TUSC3: variants seen among roughly 807,000 people sequenced by gnomAD.
The protein encoded by TUSC3 is dolichyl-diphosphooligosaccharide--protein glycosyltransferase subunit TUSC3.
A neutral mutation model predicts 44.8 loss-of-function variants in TUSC3; 45 were observed. The ratio of observed to expected loss-of-function variants is 1.00; its 90% CI spans 0.79 to 1.29. The LOEUF is 1.29. TUSC3 is among the 50% of genes most tolerant of loss of function. TUSC3 has a pLI of 0.00. For missense variants in TUSC3, 519 were observed against 437.9 expected (o/e 1.19, Z -1.65); for synonymous variants, 212 against 152.9 (o/e 1.39, Z -2.85).
intron 1 of TUSC3, among the ~76,000 whole-genome samples, chr8:15,478,479 C>T (rs1360672321): frequency 6.6e-6 from 1 of 152,072 alleles, no homozygotes; most frequent in East Asian, 1.9e-4. Flanking sequence ...TCTGTGTGTT[C>T]ATGTGTTCTC....
intron 10 of TUSC3, among the ~76,000 whole-genome samples, chr8:15,763,780 T>C (rs568340526): frequency 2.0e-5 from 3 of 152,132 alleles, no homozygotes; most frequent in South Asian, 4.1e-4. Context: ...AAATTGTAAA[T>C]TAACAAAAGA....
Position 15,530,088 on chromosome 8 carries a change from A to G in TUSC3, n.189+46605A>G, listed in dbSNP as rs545579288. Among the ~76,000 whole-genome samples, 17 of 151,990 alleles carry G rather than the reference A, an allele frequency of 1.1e-4. 1 individual carries two copies. The highest frequency in any genetic ancestry group is 3.9e-4 in the African/African-American group (16 of 41,448). On this transcript the variant is annotated intron_variant and non_coding_transcript_variant, in intron 2 of 5. Coordinates refer to the TUSC3 transcript ENST00000503191. ...GCGTGAGCCACCGCGCCCGGCCGAA[A>G]AAGTTTTTTACACTCCTGTATTACA... is the stretch of plus-strand genomic sequence containing the variant.
chr8:15,532,093 T>C (rs1801458587), intron 2 of TUSC3, among the ~76,000 whole-genome samples: 2 of 152,056 alleles, frequency 1.3e-5, no homozygotes, highest in Admixed American at 1.3e-4. Flanking sequence ...TGCACCTAAG[T>C]TTTTTTTCTT....
chr8:15,725,162 T>G (rs1353978076), intron 6 of TUSC3, among the ~76,000 whole-genome samples: 1 of 152,174 alleles, frequency 6.6e-6, no homozygotes, highest in East Asian at 1.9e-4. Context: ...TTAGTAAGGA[T>G]TATATGCCAA....
At chr8:15,670,453 G>T (rs1807896526) in intron 5 of TUSC3, among the ~76,000 whole-genome samples, 1 of 151,764 alleles carries the variant, frequency 6.6e-6, no homozygotes, top group South Asian at 2.1e-4. Flanking sequence ...AGTAAGTATG[G>T]CATTTTTGAT....
At chr8:15,574,232 C>G (rs557945042) in intron 1 of TUSC3, among the ~76,000 whole-genome samples, 83 of 152,152 alleles carry the variant, frequency 5.5e-4, no homozygotes, top group Non-Finnish European at 1.0e-3. Flanking sequence ...CACCCTTCCT[C>G]TTGCGTTTCT....
intron 2 of TUSC3, among the ~76,000 whole-genome samples, chr8:15,644,039 T>C (rs1806505725): frequency 6.6e-6 from 1 of 152,232 alleles, no homozygotes; most frequent in Non-Finnish European, 1.5e-5. Flanking sequence ...GCTATACTTC[T>C]TAAAACATCT....
chr8:15,491,526 T>A (rs1800809046), intron 2 of TUSC3, among the ~76,000 whole-genome samples: 1 of 152,214 alleles, frequency 6.6e-6, no homozygotes, highest in South Asian at 2.1e-4. Context: ...AAGAAATTTC[T>A]AGTCAAGAGA....
chr8:15,453,720 C>T (rs1227953466), intron 1 of TUSC3, among the ~76,000 whole-genome samples: 1 of 152,160 alleles, frequency 6.6e-6, no homozygotes, highest in Non-Finnish European at 1.5e-5. Flanking sequence ...GAGAATTATT[C>T]TTGTTACAGT....
At chr8:15,836,813 T>C in the TUSC3 span, among the ~76,000 whole-genome samples, 2 of 152,170 alleles carry the variant, frequency 1.3e-5, no homozygotes, top group Admixed American at 6.5e-5. Flanking sequence ...ATTTTAGCTG[T>C]TAAAAATGGA....
At chr8:15,700,542 G>A (rs1809352761) in intron 6 of TUSC3, among the ~76,000 whole-genome samples, 1 of 152,174 alleles carries the variant, frequency 6.6e-6, no homozygotes, top group Non-Finnish European at 1.5e-5. Flanking sequence ...AGGACAGAAT[G>A]AAGAAAGGCC....
chr8:15,741,749 ATTAGT>A (rs977876781), intron 7 of TUSC3, among the ~76,000 whole-genome samples: 2 of 152,212 alleles, frequency 1.3e-5, no homozygotes, highest in Non-Finnish European at 2.9e-5. Flanking sequence ...TATTTGAATT[ATTAGT>A]TTAAATATGT....
chr8:15,784,742 T>C, the TUSC3 span, among the ~76,000 whole-genome samples: 1 of 152,074 alleles, frequency 6.6e-6, no homozygotes, highest in Non-Finnish European at 1.5e-5. Flanking sequence ...AATGGAATGA[T>C]GGCTACCAGA....
chr8:15,604,162 T>C (rs1209395323), intron 1 of TUSC3, among the ~76,000 whole-genome samples: 3 of 151,758 alleles, frequency 2.0e-5, no homozygotes, highest in African/African-American at 7.2e-5. Flanking sequence ...TAGAGTATTA[T>C]GCAAATTAAA....
chr8:15,482,856 C>A (rs74487556), intron 1 of TUSC3, among the ~76,000 whole-genome samples: 9 of 152,298 alleles, frequency 5.9e-5, no homozygotes, highest in Non-Finnish European at 1.3e-4. Flanking sequence ...GAATACATGA[C>A]TTTCTTCACC....
At chr8:15,771,074 A>T (rs975990785), downstream of TUSC3, among the ~76,000 whole-genome samples, 1 of 152,190 alleles carries the variant, frequency 6.6e-6, no homozygotes, top group African/African-American at 2.4e-5. Context: ...CCAGTTGCTC[A>T]TTAGAGGCCA....
chr8:15,687,998 C>T (rs117662480), intron 6 of TUSC3, among the ~76,000 whole-genome samples: 2,360 of 152,096 alleles, frequency 0.016, 37 homozygotes, highest in Middle Eastern at 0.027. Flanking sequence ...AGAAATATTA[C>T]ATCAGAGGAG....
chr8:15,476,262 A>G (rs911071654), intron 1 of TUSC3, among the ~76,000 whole-genome samples: 1 of 152,214 alleles, frequency 6.6e-6, no homozygotes, highest in Non-Finnish European at 1.5e-5. Flanking sequence ...ACACGAATTC[A>G]TCATAAATAC....
chr8:15,755,099 G>A (rs1811868569), intron 9 of TUSC3, among the ~76,000 whole-genome samples: 2 of 152,166 alleles, frequency 1.3e-5, no homozygotes, highest in South Asian at 2.1e-4. Context: ...TCTGTCTCAT[G>A]CCATTACTAA....
Sources: gnomAD v4.1 joint callset for allele counts (sites outside exome capture counted in the v4.1 genomes callset) on GRCh38, gnomAD v4.1.1 for gene constraint, MANE v1.5 for transcripts, NCBI Gene and HGNC (gene_info 2026-07-23, HGNC 2026-07-21) for gene names.